Variants in RPS6KC1 observed in about 807,000 individuals in gnomAD.
The protein encoded by RPS6KC1 is ribosomal protein S6 kinase C1, also known as inactive ribosomal protein S6 kinase delta-1.
Under a neutral mutation model 103.8 loss-of-function variants are expected in RPS6KC1, and 54 were observed. That is an observed-to-expected ratio of 0.52 (90% CI 0.42 to 0.65). The LOEUF is 0.65. Ranked by LOEUF, RPS6KC1 falls within the 30% of genes least tolerant of loss-of-function variation. The probability of loss-of-function intolerance (pLI) is 0.00; values close to 1 mark genes in which losing one functional copy is unlikely to be tolerated. For synonymous variants in RPS6KC1, 439 were observed against 438.7 expected (o/e 1.00, Z -0.01); for missense variants, 1,151 against 1,253.8 (o/e 0.92, Z 1.24).
the RPS6KC1 span, among the ~76,000 whole-genome samples, chr1:213,441,940 G>A: frequency 6.6e-6 from 1 of 152,152 alleles, no homozygotes; most frequent in East Asian, 1.9e-4. Context: ...ACAAATTATA[G>A]CTTTACTTTG....
chr1:213,353,171 C>G, the RPS6KC1 span, among the ~76,000 whole-genome samples: 1 of 152,178 alleles, frequency 6.6e-6, no homozygotes, highest in African/African-American at 2.4e-5. Flanking sequence ...CTTGTTTTCC[C>G]CAGCAGGGTC....
At chr1:213,474,263 C>T in the RPS6KC1 span, among the ~76,000 whole-genome samples, 22 of 152,226 alleles carry the variant, frequency 1.4e-4, 1 homozygote, top group East Asian at 1.5e-3. Flanking sequence ...GCCCGGATCC[C>T]AGTTCCCAAG....
chr1:213,706,568 C>G, the RPS6KC1 span, among the ~76,000 whole-genome samples: 1 of 152,076 alleles, frequency 6.6e-6, no homozygotes, highest in South Asian at 2.1e-4. Flanking sequence ...TATTATTATG[C>G]TTTATATTCT....
At chr1:213,733,663 C>T in the RPS6KC1 span, among the ~76,000 whole-genome samples, 1 of 148,534 alleles carries the variant, frequency 6.7e-6, no homozygotes. Flanking sequence ...TTCTTTTAAT[C>T]CCCTTTCGTG....
At chr1:213,057,694 T>C (rs1046291956) in intron 1 of RPS6KC1, among the ~76,000 whole-genome samples, 1 of 151,428 alleles carries the variant, frequency 6.6e-6, no homozygotes, top group African/African-American at 2.4e-5. Context: ...GGGTTTGATA[T>C]GACATTTGTA....
chr1:213,388,870 A>T, the RPS6KC1 span, among the ~76,000 whole-genome samples: 1 of 152,242 alleles, frequency 6.6e-6, no homozygotes, highest in African/African-American at 2.4e-5. Context: ...AAGAGAGTTC[A>T]CTTTGGCTCC....
chr1:213,848,800 T>C, the RPS6KC1 span, among the ~76,000 whole-genome samples: 1 of 152,150 alleles, frequency 6.6e-6, no homozygotes, highest in African/African-American at 2.4e-5. Context: ...CTCTAACCCA[T>C]CTATGATTTA....
the RPS6KC1 span, among the ~76,000 whole-genome samples, chr1:213,665,063 C>T: frequency 1.3e-5 from 2 of 151,982 alleles, no homozygotes; most frequent in Non-Finnish European, 2.9e-5. Context: ...TAGAGATTAT[C>T]TTATTTAATT....
chr1:213,577,174 T>C, the RPS6KC1 span, among the ~76,000 whole-genome samples: 1 of 152,186 alleles, frequency 6.6e-6, no homozygotes, highest in African/African-American at 2.4e-5. Context: ...CTAGTGATAG[T>C]GAATAAGTCT....
At chr1:213,485,549 A>G in the RPS6KC1 span, among the ~76,000 whole-genome samples, 3 of 152,212 alleles carry the variant, frequency 2.0e-5, no homozygotes, top group African/African-American at 7.2e-5. Context: ...TCTACAGTCC[A>G]TCAGCATTAT....
the RPS6KC1 span, among the ~76,000 whole-genome samples, chr1:213,596,819 T>G: frequency 1.3e-5 from 2 of 152,262 alleles, no homozygotes; most frequent in African/African-American, 4.8e-5. Context: ...ATACATTTTT[T>G]GCCCTTGTGA....
At chr1:213,501,265 C>T in the RPS6KC1 span, among the ~76,000 whole-genome samples, 7 of 152,066 alleles carry the variant, frequency 4.6e-5, no homozygotes, top group African/African-American at 1.4e-4. Context: ...GAATGAATGA[C>T]AAGTCATTTT....
the RPS6KC1 span, among the ~76,000 whole-genome samples, chr1:213,722,542 A>C: frequency 1.3e-5 from 2 of 152,150 alleles, no homozygotes; most frequent in Admixed American, 1.3e-4. Context: ...AATGAGGATT[A>C]CCAGACCCTG....
At chr1:213,642,057 C>G in the RPS6KC1 span, among the ~76,000 whole-genome samples, 1 of 152,022 alleles carries the variant, frequency 6.6e-6, no homozygotes, top group East Asian at 1.9e-4. Flanking sequence ...CCCACTCTCT[C>G]TGAGCTTTAG....
the RPS6KC1 span, among the ~76,000 whole-genome samples, chr1:213,513,913 G>A: frequency 2.0e-5 from 3 of 152,168 alleles, no homozygotes; most frequent in African/African-American, 7.2e-5. Flanking sequence ...GGAATCTTGC[G>A]CTGGAGTGCT....
intron 3 of RPS6KC1, among the ~76,000 whole-genome samples, chr1:213,078,247 T>TG (rs2079531380): frequency 6.7e-6 from 1 of 149,750 alleles, no homozygotes; most frequent in African/African-American, 2.5e-5. Context: ...TTTTTTTTTT[T>TG]GCCTCATCAG....
chr1:213,639,194 T>C, the RPS6KC1 span, among the ~76,000 whole-genome samples: 7 of 152,148 alleles, frequency 4.6e-5, no homozygotes, highest in Non-Finnish European at 1.5e-5. Flanking sequence ...ATTGACATTG[T>C]ATCCTATAAC....
At chr1:213,104,405 C>T (rs1484787657) in intron 3 of RPS6KC1, 49 bp from the exon 4 acceptor site, 1 of 1,203,774 alleles carries the variant, frequency 8.3e-7, no homozygotes, top group Non-Finnish European at 1.2e-6. Context: ...TATCATAAAC[C>T]AGTGTTTGAT....
the RPS6KC1 span, among the ~76,000 whole-genome samples, chr1:213,470,431 A>G: frequency 6.6e-6 from 1 of 152,180 alleles, no homozygotes; most frequent in African/African-American, 2.4e-5. Flanking sequence ...ATGTTTCACA[A>G]GGATACTTCA....
Sources: gnomAD v4.1 joint callset for allele counts (sites outside exome capture counted in the v4.1 genomes callset) on GRCh38, gnomAD v4.1.1 for gene constraint, MANE v1.5 for transcripts, NCBI Gene and HGNC (gene_info 2026-07-23, HGNC 2026-07-21) for gene names.